The following DECR1 variants were observed in gnomAD, a reference collection of about 807,000 sequenced individuals.
DECR1 encodes 2,4-dienoyl-CoA reductase 1.
A neutral mutation model predicts 38.8 loss-of-function variants in DECR1; 44 were observed. The observed-to-expected ratio is 1.13, with a 90% CI of 0.89 to 1.46. The LOEUF (loss-of-function observed/expected upper bound fraction) is 1.46, where lower values mean the gene tolerates loss of function less well. Ranked by LOEUF, DECR1 falls within the 40% of genes most tolerant of loss-of-function variation. The pLI, the probability that DECR1 is intolerant of heterozygous loss-of-function variation, is 0.00. For synonymous variants in DECR1, 148 were observed against 135.2 expected (o/e 1.09, Z -0.66); for missense variants, 428 against 405.5 (o/e 1.06, Z -0.48).
intron 2 of DECR1, 161 bp from the exon 3 acceptor site, chr8:90,018,748 T>C (rs1448668348): frequency 1.3e-5 from 8 of 609,430 alleles, no homozygotes; most frequent in Non-Finnish European, 2.0e-5. Flanking sequence ...ATAAAAATGA[T>C]CTAAATTTGA....
chr8:90,022,100 G>C (rs1042666364), intron 5 of DECR1, among the ~76,000 whole-genome samples: 3 of 152,118 alleles, frequency 2.0e-5, no homozygotes, highest in Non-Finnish European at 4.4e-5. Flanking sequence ...AAGGGTGCGG[G>C]TATTTTCTCA....
rs1813850464 is a variant in DECR1, at chr8:90,044,915, G to A, written c.805G>A (p.Gly269Ser). The A allele has an allele frequency of 6.2e-7, 1 of 1,613,060 alleles. No homozygotes were observed. ...EKEMIGRIPC[G>S]RLGTVEELAN... The stretch of plus-strand genomic sequence containing the variant: ...AGAAATGATTGGCAGAATTCCCTGT[G>A]GTCGCCTGGGGACTGTAGAAGAACT... The change falls in exon 8 of 10, where the codon GGT becomes AGT. Residue 269 changes from glycine (G) to serine (S), a missense_variant. By Grantham distance (56) the Gly-to-Ser change is moderately conservative. Coordinates refer to ENST00000220764, the MANE Select transcript of DECR1 (RefSeq NM_001359.2).
At chr8:90,002,423 T>C (rs1236623278) in intron 1 of DECR1, among the ~76,000 whole-genome samples, 1 of 152,006 alleles carries the variant, frequency 6.6e-6, no homozygotes, top group Non-Finnish European at 1.5e-5. Flanking sequence ...TGTCACCATC[T>C]CCATTGCACC....
chr8:90,045,829 C>T (rs565980693), intron 8 of DECR1, among the ~76,000 whole-genome samples: 181 of 152,246 alleles, frequency 1.2e-3, no homozygotes, highest in Non-Finnish European at 1.8e-3. Context: ...CCCTCTGAGA[C>T]GAAGCTTCCA....
At chr8:90,046,144 T>C (rs1021271415) in intron 8 of DECR1, among the ~76,000 whole-genome samples, 3 of 152,196 alleles carry the variant, frequency 2.0e-5, no homozygotes, top group Non-Finnish European at 4.4e-5. Flanking sequence ...TCCAAAGGAA[T>C]GCAGCTCCTC....
chr8:90,022,578 C>T (rs1358542810), intron 5 of DECR1, among the ~76,000 whole-genome samples: 4 of 151,780 alleles, frequency 2.6e-5, no homozygotes, highest in Non-Finnish European at 1.5e-5. Context: ...CTCTCTCTTC[C>T]CTTCTCTGTC....
chr8:90,030,804 A>G (rs1304535153), intron 5 of DECR1, among the ~76,000 whole-genome samples: 1 of 152,188 alleles, frequency 6.6e-6, no homozygotes, highest in African/African-American at 2.4e-5. Context: ...GGGTGCATCT[A>G]AAGAATATTT....
intron 1 of DECR1, among the ~76,000 whole-genome samples, chr8:90,002,456 TG>T (rs1812641245): frequency 6.6e-6 from 1 of 152,026 alleles, no homozygotes; most frequent in South Asian, 2.1e-4. Context: ...AGCTAGGAAG[TG>T]AAAACAGCTA....
Position 90,017,196 on chromosome 8 carries a change from C to T in DECR1, c.142C>T (p.Gln48Ter), listed in dbSNP as rs770560957. The part of the protein sequence containing the change: ...ALQSKFFSPL[Q>*]KAMLPPNSFQ... ...GCAATCTAAATTCTTTTCACCTCTTCAAAAAGCGATGCTACCACCTAATAG... is the reference window on the plus strand; with the variant it reads ...GCAATCTAAATTCTTTTCACCTCTTTAAAAAGCGATGCTACCACCTAATAG... The change falls in exon 2 of 10, where the codon CAA becomes TAA. Residue 48 changes from glutamine (Q) to a stop codon, truncating the protein, a stop_gained. Transcript: ENST00000220764. LOFTEE classifies it high-confidence loss of function. The T allele has an allele frequency of 2.5e-6, 4 of 1,614,102 alleles. No individual in the cohort carries two copies. Among genetic ancestry groups the T allele is most frequent in the Admixed American group, 1.7e-5 (1 of 60,024 alleles).
chr8:90,001,564 A>G lies in DECR1; in HGVS notation c.69+3A>G. 6.2e-7 allele frequency: 1 copy of G among 1,611,790 alleles called. No homozygotes were observed. Among genetic ancestry groups the G allele is most frequent in the Non-Finnish European group, 8.5e-7 (1 of 1,178,620 alleles). Reference sequence around the variant, plus strand: ...CCTGTGGCCTCGCTCCTCGGAGGGTAAGGCGGCCGGGGGCGCGGGGAGCGA... The same window carrying G: ...CCTGTGGCCTCGCTCCTCGGAGGGTGAGGCGGCCGGGGGCGCGGGGAGCGA... On this transcript the variant is annotated splice_donor_region_variant and intron_variant, in intron 1 of 9. Transcript: ENST00000220764.
intron 1 of DECR1, among the ~76,000 whole-genome samples, chr8:90,009,716 A>C (rs1346406593): frequency 6.6e-6 from 1 of 152,258 alleles, no homozygotes; most frequent in Non-Finnish European, 1.5e-5. Context: ...AAAGATTGTC[A>C]TTATAGTTTT....
chr8:90,017,552 T>G (rs1252653904), intron 2 of DECR1, among the ~76,000 whole-genome samples: 2 of 152,208 alleles, frequency 1.3e-5, no homozygotes, highest in Non-Finnish European at 2.9e-5. Context: ...TGGGTAAACA[T>G]CCGCAATTTT....
intron 1 of DECR1, among the ~76,000 whole-genome samples, chr8:90,011,328 A>G (rs1454644610): frequency 1.3e-5 from 2 of 152,174 alleles, no homozygotes; most frequent in Non-Finnish European, 2.9e-5. Context: ...TGTAATATAG[A>G]TGTGCTCTAA....
rs560486152 is a variant in DECR1, at chr8:90,035,315, A to G, written c.566-1526A>G. 9.2e-5 allele frequency among the ~76,000 whole-genome samples: 14 copies of G among 151,932 alleles called. No homozygotes were observed. In the South Asian group the frequency reaches 2.5e-3, roughly 27 times the overall value. On this transcript the variant is annotated intron_variant, in intron 5 of 9. Transcript: ENST00000220764. ...GTGCTTTTTCTTCCTCTGTGACTCT[A>G]ACTATACGTTTGTTAGAATGCTAGA... is the stretch of plus-strand genomic sequence containing the variant.
rs571513319 is a variant in DECR1, at chr8:90,028,242, C to A, written c.565+7186C>A. 6.6e-5 allele frequency among the ~76,000 whole-genome samples: 10 copies of A among 152,222 alleles called. No homozygotes were observed. The East Asian group carries it at 1.5e-3, about 24-fold the overall frequency. ...AGAGGCATATTATATAAGTGTTCAA[C>A]ATAGTGTGATACTCTTCATATTTGG... On this transcript the variant is annotated intron_variant, in intron 5 of 9. Transcript: ENST00000220764.
chr8:90,031,114 G>C (rs1813483054), intron 5 of DECR1, among the ~76,000 whole-genome samples: 2 of 152,112 alleles, frequency 1.3e-5, no homozygotes, highest in Non-Finnish European at 2.9e-5. Flanking sequence ...TAACTGCCAA[G>C]TTCCAATCCT....
At chr8:90,041,804 T>C (rs567105248) in intron 6 of DECR1, among the ~76,000 whole-genome samples, 2 of 152,266 alleles carry the variant, frequency 1.3e-5, no homozygotes, top group South Asian at 4.1e-4. Context: ...GCCTCATTCT[T>C]GGCTCCGTTA....
At chr8:90,050,745 T>G (rs781767204) in intron 8 of DECR1, among the ~76,000 whole-genome samples, 2 of 152,192 alleles carry the variant, frequency 1.3e-5, no homozygotes, top group Non-Finnish European at 2.9e-5. Flanking sequence ...TGCACTACTA[T>G]TCACAATAGC....
chr8:90,040,149 T>C (rs982323407), intron 6 of DECR1, among the ~76,000 whole-genome samples: 1 of 152,146 alleles, frequency 6.6e-6, no homozygotes, highest in Non-Finnish European at 1.5e-5. Context: ...CAGTTTTTCA[T>C]AGGATAATAT....
Sources: gnomAD v4.1 joint callset for allele counts (sites outside exome capture counted in the v4.1 genomes callset) on GRCh38, gnomAD v4.1.1 for gene constraint, MANE v1.5 for transcripts, NCBI Gene and HGNC (gene_info 2026-07-23, HGNC 2026-07-21) for gene names.